ISM1: variants seen among roughly 807,000 people sequenced by gnomAD.
ISM1 encodes isthmin-1.
A neutral mutation model predicts 46.3 loss-of-function variants in ISM1; 25 were observed. That is an observed-to-expected ratio of 0.54 (90% CI 0.39 to 0.75). The LOEUF (loss-of-function observed/expected upper bound fraction) is 0.75. Among genes scored for constraint, ISM1 ranks in the 30% least tolerant of loss-of-function variants. The pLI is 0.00. For synonymous variants in ISM1, 255 were observed against 256.7 expected, an observed-to-expected ratio of 0.99 and a Z score of 0.06; for missense variants, 536 against 625.4, an observed-to-expected ratio of 0.86 and a Z score of 1.52.
chr20:13,245,808 A>G (rs1012451515), intron 1 of ISM1, among the ~76,000 whole-genome samples: 1 of 152,156 alleles, frequency 6.6e-6, no homozygotes, highest in African/African-American at 2.4e-5. Flanking sequence ...CCATGACTCA[A>G]AACAGATACT....
At chr20:13,324,580 T>G in the ISM1 span, among the ~76,000 whole-genome samples, 1 of 152,240 alleles carries the variant, frequency 6.6e-6, no homozygotes, top group African/African-American at 2.4e-5. Flanking sequence ...TAATTATGCC[T>G]TAATCATGCT....
chr20:13,316,982 A>G, the ISM1 span, among the ~76,000 whole-genome samples: 13 of 152,028 alleles, frequency 8.6e-5, no homozygotes, highest in African/African-American at 3.1e-4. Flanking sequence ...ATTGAGAAGG[A>G]AAAAAAGGAA....
chr20:13,277,261 C>T (rs917465580), intron 2 of ISM1, among the ~76,000 whole-genome samples: 7 of 152,152 alleles, frequency 4.6e-5, no homozygotes, highest in African/African-American at 1.4e-4. Context: ...AGTCTGAATA[C>T]AAATGGAATA....
chr20:13,266,974 T>G (rs1371374136), intron 1 of ISM1, among the ~76,000 whole-genome samples: 2 of 152,062 alleles, frequency 1.3e-5, no homozygotes, highest in Admixed American at 6.6e-5. Context: ...TAAAGAAAGG[T>G]TTTCTTCTGC....
At chr20:13,321,735 T>C in the ISM1 span, among the ~76,000 whole-genome samples, 1 of 152,244 alleles carries the variant, frequency 6.6e-6, no homozygotes, top group African/African-American at 2.4e-5. Context: ...TAACTATTTT[T>C]CACATGTATG....
chr20:13,265,926 T>C (rs748218424), intron 1 of ISM1, among the ~76,000 whole-genome samples: 1 of 152,130 alleles, frequency 6.6e-6, no homozygotes, highest in Non-Finnish European at 1.5e-5. Context: ...ATCTGTCCAG[T>C]CAGCCACGCT....
chr20:13,236,606 G>A lies in ISM1; in HGVS notation c.138+14692G>A, dbSNP rs144275544. Reference sequence around the variant, plus strand: ...CAAAGTCTCATCTGAGACAAGGCAAGTACCTTCTGCCTATGAGCCTGTAAA... The same window carrying A: ...CAAAGTCTCATCTGAGACAAGGCAAATACCTTCTGCCTATGAGCCTGTAAA... On this transcript the variant is annotated intron_variant, in intron 1 of 5. Coordinates refer to ENST00000262487, the MANE Select transcript of ISM1 (RefSeq NM_080826.2). Among the ~76,000 whole-genome samples the A allele has an allele frequency of 9.7e-3, 1,480 of 152,248 alleles. 25 individuals are homozygous for A. The highest frequency in any genetic ancestry group is 0.034 in the African/African-American group (1,405 of 41,526).
At chr20:13,254,358 C>T (rs1426790180) in intron 1 of ISM1, among the ~76,000 whole-genome samples, 1 of 151,810 alleles carries the variant, frequency 6.6e-6, no homozygotes, top group Admixed American at 6.6e-5. Context: ...GATGTATATA[C>T]AAATAGAAAA....
the ISM1 span, among the ~76,000 whole-genome samples, chr20:13,322,015 T>C: frequency 6.6e-6 from 1 of 152,242 alleles, no homozygotes; most frequent in African/African-American, 2.4e-5. Flanking sequence ...TGAGTCAACA[T>C]TTATATTATG....
chr20:13,325,644 G>A, the ISM1 span, among the ~76,000 whole-genome samples: 16 of 152,288 alleles, frequency 1.1e-4, no homozygotes, highest in African/African-American at 3.4e-4. Context: ...AAGAAAGCCA[G>A]ATCCAGAATA....
chr20:13,325,509 G>T, the ISM1 span, among the ~76,000 whole-genome samples: 1 of 152,242 alleles, frequency 6.6e-6, no homozygotes, highest in South Asian at 2.1e-4. Flanking sequence ...AGGTGATAGG[G>T]GGATTATAAT....
At chr20:13,243,181 T>C (rs1159408541) in intron 1 of ISM1, among the ~76,000 whole-genome samples, 7 of 152,190 alleles carry the variant, frequency 4.6e-5, no homozygotes, top group Non-Finnish European at 2.9e-5. Flanking sequence ...GACATAACTT[T>C]GAGTCCCTAC....
rs193093047 is a variant in ISM1, at chr20:13,286,180, A to T, written c.644-2360A>T. ...ATCTGGCCTCGGTGGTGTGTGCAGG[A>T]TGTGACTGGGTGAGTGCTCATGTGC... On this transcript the variant is annotated intron_variant, in intron 3 of 5. Transcript: ENST00000262487. 3.5e-3 allele frequency among the ~76,000 whole-genome samples: 538 copies of T among 152,266 alleles called. 2 individuals are homozygous for T. The highest frequency in any genetic ancestry group is 5.8e-3 in the Non-Finnish European group (393 of 68,004).
At chr20:13,314,037 A>T in the ISM1 span, among the ~76,000 whole-genome samples, 1 of 152,202 alleles carries the variant, frequency 6.6e-6, no homozygotes, top group Admixed American at 6.5e-5. Flanking sequence ...CTGAAGAAAG[A>T]ATCTCTGAAC....
chr20:13,223,990 G>A (rs1270562952), intron 1 of ISM1, among the ~76,000 whole-genome samples: 2 of 152,092 alleles, frequency 1.3e-5, no homozygotes, highest in Admixed American at 6.5e-5. Flanking sequence ...GCTGGTGGAA[G>A]TGGCAGTTCT....
chr20:13,248,091 C>T (rs941270970), intron 1 of ISM1, among the ~76,000 whole-genome samples: 3 of 152,120 alleles, frequency 2.0e-5, no homozygotes, highest in Non-Finnish European at 4.4e-5. Flanking sequence ...TCCAAAAGTG[C>T]GGAAGAAATG....
intron 1 of ISM1, among the ~76,000 whole-genome samples, chr20:13,247,517 G>GGGGGT (rs1183213178): frequency 2.1e-5 from 3 of 139,806 alleles, no homozygotes; most frequent in African/African-American, 5.4e-5. Flanking sequence ...CAAAGTGAGG[G>GGGGGT]GTGTGTGTGT....
At position 13,278,984 on chromosome 20, in the gene ISM1, G is replaced by C. The variant is rs1272033913; in HGVS notation, c.379-650G>C. On this transcript the variant is annotated intron_variant, in intron 2 of 5. Coordinates refer to ENST00000262487, the MANE Select transcript of ISM1 (RefSeq NM_080826.2). ...TGAAAATGAAAGCTGTAAGGCCTCT[G>C]TTAATACCTGTCACCATTCCACTCC... Among the ~76,000 whole-genome samples the C allele has an allele frequency of 2.0e-5, 3 of 152,216 alleles. No individual in the cohort carries two copies. In the East Asian group the frequency reaches 5.8e-4, roughly 29 times the overall value.
the ISM1 span, among the ~76,000 whole-genome samples, chr20:13,318,391 G>A: frequency 6.6e-6 from 1 of 152,150 alleles, no homozygotes; most frequent in East Asian, 1.9e-4. Context: ...AATTCAAAAT[G>A]GCGTGACCAC....
Sources: gnomAD v4.1 joint callset for allele counts (sites outside exome capture counted in the v4.1 genomes callset) on GRCh38, gnomAD v4.1.1 for gene constraint, MANE v1.5 for transcripts, NCBI Gene and HGNC (gene_info 2026-07-23, HGNC 2026-07-21) for gene names.